The following RAB9B variants were observed in gnomAD, a reference collection of about 807,000 sequenced individuals.
The protein encoded by RAB9B is RAB9B, member RAS oncogene family, also known as ras-related protein Rab-9B.
RAB9B carries 1 observed loss-of-function variant against 8.9 expected under a neutral mutation model. The observed-to-expected ratio is 0.11, with a 90% CI of 0.04 to 0.53. The LOEUF is 0.53. Ranked by LOEUF, RAB9B falls within the 20% of genes least tolerant of loss-of-function variation. RAB9B has a pLI of 0.93. For missense variants in RAB9B, 82 were observed against 152.9 expected (o/e 0.54, Z 2.45); for synonymous variants, 63 against 57.0 (o/e 1.10, Z -0.47).
the RAB9B span, chrX:103,786,026 G>C: frequency 1.0e-6 from 1 of 969,587 alleles, no homozygotes; most frequent in Admixed American, 3.8e-5. Flanking sequence ...CTTCTGCTAG[G>C]TGTGGTTCAT....
At chrX:103,795,766 C>G in the RAB9B span, among the ~76,000 whole-genome samples, 213 of 112,074 alleles carry the variant, frequency 1.9e-3, 2 homozygotes, top group East Asian at 0.022. Flanking sequence ...TGAACAGAAA[C>G]ACACAAATTA....
chrX:103,793,399 C>T, the RAB9B span, among the ~76,000 whole-genome samples: 1 of 112,238 alleles, frequency 8.9e-6, no homozygotes, highest in African/African-American at 3.2e-5. Flanking sequence ...GGAGGGATGA[C>T]AAGTCAGTCA....
the RAB9B span, among the ~76,000 whole-genome samples, chrX:103,814,926 A>G: frequency 8.9e-6 from 1 of 111,979 alleles, no homozygotes; most frequent in Non-Finnish European, 1.9e-5. Flanking sequence ...ACAGGTTCTG[A>G]AATTGAGACA....
intron 1 of RAB9B, among the ~76,000 whole-genome samples, chrX:103,827,495 T>G (rs1371754490): frequency 9.0e-6 from 1 of 111,471 alleles, no homozygotes; most frequent in Non-Finnish European, 1.9e-5. Context: ...CGTTCCCATC[T>G]CCAAGAAAGT....
chrX:103,781,274 G>A, the RAB9B span: 1 of 325,554 alleles, frequency 3.1e-6, no homozygotes. Flanking sequence ...ACAGCATCAG[G>A]ATCAACACAG....
downstream of RAB9B, among the ~76,000 whole-genome samples, chrX:103,820,904 C>A (rs1051694750): frequency 9.3e-6 from 1 of 107,350 alleles, no homozygotes; most frequent in Non-Finnish European, 1.9e-5. Context: ...TAGCCAAGAT[C>A]AGGCCACTGC....
chrX:103,819,586 A>C (rs1210877613), downstream of RAB9B, among the ~76,000 whole-genome samples: 1 of 111,540 alleles, frequency 9.0e-6, no homozygotes, highest in African/African-American at 3.3e-5. Context: ...CTTAAAAAAA[A>C]ACCCTTTCAC....
the RAB9B span, among the ~76,000 whole-genome samples, chrX:103,798,326 A>G: frequency 8.9e-6 from 1 of 112,262 alleles, no homozygotes; most frequent in Non-Finnish European, 1.9e-5. Context: ...TTTATATCTT[A>G]TTTGAAACAT....
At chrX:103,786,414 G>A in the RAB9B span, 5 of 1,170,912 alleles carry the variant, frequency 4.3e-6, no homozygotes, top group Admixed American at 8.7e-5. Context: ...AAGAAGCCAG[G>A]TCTTCAATTA....
At chrX:103,790,903 C>T in the RAB9B span, 1 of 333,665 alleles carries the variant, frequency 3.0e-6, no homozygotes, top group African/African-American at 2.6e-5. Flanking sequence ...TTTCAAGCAT[C>T]TCCTGAGGAT....
At chrX:103,801,500 G>T in the RAB9B span, among the ~76,000 whole-genome samples, 1 of 111,787 alleles carries the variant, frequency 8.9e-6, no homozygotes, top group Non-Finnish European at 1.9e-5. Flanking sequence ...AAGATCCTGA[G>T]ATCCTGGAAC....
At chrX:103,781,183 T>C in the RAB9B span, 11 of 245,631 alleles carry the variant, frequency 4.5e-5, no homozygotes, top group African/African-American at 1.1e-4. Flanking sequence ...ATTTCCATCA[T>C]GGAGCTGGTC....
the RAB9B span, among the ~76,000 whole-genome samples, chrX:103,799,570 C>T: frequency 3.6e-5 from 4 of 111,806 alleles, no homozygotes; most frequent in South Asian, 3.8e-4. Flanking sequence ...GTGGAAATCT[C>T]TTTCTAAGGT....
chrX:103,814,529 T>C, the RAB9B span, among the ~76,000 whole-genome samples: 1 of 110,231 alleles, frequency 9.1e-6, no homozygotes, highest in Non-Finnish European at 1.9e-5. Context: ...TTTAAAGAAC[T>C]AGAAAAGGAA....
At chrX:103,780,727 C>G in the RAB9B span, 2 of 112,367 alleles carry the variant, frequency 1.8e-5, no homozygotes, top group African/African-American at 6.5e-5. Context: ...AGGGCATTGT[C>G]TGACCAGGAC....
At chrX:103,803,985 A>T in the RAB9B span, among the ~76,000 whole-genome samples, 2 of 112,727 alleles carry the variant, frequency 1.8e-5, no homozygotes, top group Admixed American at 1.9e-4. Flanking sequence ...TGAAGCAAAA[A>T]AGTATTTAAC....
At chrX:103,796,847 C>CAAAAAAAA in the RAB9B span, among the ~76,000 whole-genome samples, 2 of 12,110 alleles carry the variant, frequency 1.7e-4, no homozygotes, top group Non-Finnish European at 3.1e-4. Flanking sequence ...ACCGCCTCTA[C>CAAAAAAAA]AAAAAAAAAA....
chrX:103,816,497 A>G, the RAB9B span, among the ~76,000 whole-genome samples: 1 of 112,090 alleles, frequency 8.9e-6, no homozygotes, highest in Admixed American at 9.5e-5. Flanking sequence ...AACCTGAGCA[A>G]TACCATTCAG....
At chrX:103,796,308 A>G in the RAB9B span, among the ~76,000 whole-genome samples, 1 of 111,060 alleles carries the variant, frequency 9.0e-6, no homozygotes, top group African/African-American at 3.3e-5. Context: ...TTGCAAAACT[A>G]AAAATACAAA....
Sources: gnomAD v4.1 joint callset for allele counts (sites outside exome capture counted in the v4.1 genomes callset) on GRCh38, gnomAD v4.1.1 for gene constraint, MANE v1.5 for transcripts, NCBI Gene and HGNC (gene_info 2026-07-23, HGNC 2026-07-21) for gene names.